Variants in CC2D2B observed in about 807,000 individuals in gnomAD.
The protein encoded by CC2D2B is coiled-coil and C2 domain containing 2B, also known as protein CC2D2B.
CC2D2B carries 128 observed loss-of-function variants against 161.2 expected under a neutral mutation model. The ratio of observed to expected loss-of-function variants is 0.79; its 90% CI spans 0.69 to 0.92. The LOEUF (loss-of-function observed/expected upper bound fraction) is 0.92. Ranked by LOEUF, CC2D2B falls within the 40% of genes least tolerant of loss-of-function variation. CC2D2B has a pLI of 0.00. For synonymous variants in CC2D2B, 391 were observed against 449.8 expected, an observed-to-expected ratio of 0.87 and a Z score of 1.65; for missense variants, 1,173 against 1,375.1, an observed-to-expected ratio of 0.85 and a Z score of 2.32.
chr10:95,991,157 GGAAATAAACTAGCTT>G (rs1468718504), intron 20 of CC2D2B, among the ~76,000 whole-genome samples, 198 bp from the exon 21 acceptor site: 2 of 152,082 alleles, frequency 1.3e-5, no homozygotes, highest in East Asian at 3.9e-4. Flanking sequence ...AAAAAAAAGT[GGAAATAAACTAGCTT>G]TGGTGTGACA....
intron 20 of CC2D2B, among the ~76,000 whole-genome samples, chr10:95,991,017 T>C (rs1356775460): frequency 6.6e-6 from 1 of 152,228 alleles, no homozygotes; most frequent in Non-Finnish European, 1.5e-5. Flanking sequence ...TAGTGGCTAT[T>C]GTAGAAGTGG....
In CC2D2B at chr10:95,938,039, T is replaced by G. The variant is rs1233587258; in HGVS notation, c.385T>G (p.Leu129Val). The change falls in exon 7 of 35, where the codon TTA becomes GTA. Residue 129 changes from leucine (L) to valine (V), a missense_variant. Physicochemically the swap from Leu to Val is conservative, Grantham distance 32. Transcript: ENST00000646931. ...YPKCFSLGVN[L>V]QNVAESEEEE... ...CAAATGCTTTTCACTTGGTGTTAAT[T>G]TACAAAATGTTGCTGAGAGTGAAGA... 1 of 1,551,208 alleles carries G rather than the reference T, an allele frequency of 6.4e-7. No individual in the cohort carries two copies. The highest frequency in any genetic ancestry group is 2.0e-5 in the Admixed American group (1 of 51,006).
At chr10:95,926,156 C>T (rs1004035928) in intron 5 of CC2D2B, among the ~76,000 whole-genome samples, 1 of 152,096 alleles carries the variant, frequency 6.6e-6, no homozygotes, top group Admixed American at 6.6e-5. Flanking sequence ...TGAATTAAAA[C>T]ATGCCTAAAT....
Position 96,032,556 on chromosome 10 carries a change from T to G in CC2D2B, c.*548T>G, listed in dbSNP as rs2080099268. On this transcript the variant is annotated 3_prime_UTR_variant, in exon 35 of 35. Coordinates refer to ENST00000646931, the MANE Select transcript of CC2D2B (RefSeq NM_001349008.3). The stretch of plus-strand genomic sequence containing the variant: ...ACTACTAAACTAAGGCTGGTACGTT[T>G]GATGCTGGGTCTGATACAATTTCAG... 9 of 303,526 alleles carry G rather than the reference T, an allele frequency of 3.0e-5. No individual in the cohort carries two copies. Among genetic ancestry groups the G allele is most frequent in the South Asian group, 2.5e-4 (8 of 32,158 alleles). 18.8% of individuals were successfully genotyped at this position (303,526 alleles called of 1,614,324 possible). A position where few individuals can be genotyped will look rare whatever the true frequency, so the allele number is the denominator to read the frequency against.
At chr10:95,965,316 A>C (rs2076900560) in intron 12 of CC2D2B, among the ~76,000 whole-genome samples, 1 of 152,144 alleles carries the variant, frequency 6.6e-6, no homozygotes. Flanking sequence ...CAATACGTGT[A>C]AAGTACTTAC....
chr10:96,032,204 C>T lies in CC2D2B; in HGVS notation c.*196C>T, dbSNP rs2080091338. On this transcript the variant is annotated 3_prime_UTR_variant, in exon 35 of 35. Transcript: ENST00000646931. ...GTCTTTGAGGAGGAGTCTAGATGAG[C>T]TTCTCACCAGAGACCTCTCCAGGAA... is the stretch of plus-strand genomic sequence containing the variant. 1.9e-6 allele frequency: 1 copy of T among 532,890 alleles called. No homozygotes were observed. Among genetic ancestry groups the T allele is most frequent in the African/African-American group, 1.9e-5 (1 of 52,990 alleles). 33.0% of individuals were successfully genotyped at this position (532,890 alleles called of 1,614,324 possible).
At chr10:95,970,894 G>T (rs1341924040) in intron 15 of CC2D2B, among the ~76,000 whole-genome samples, 1 of 152,150 alleles carries the variant, frequency 6.6e-6, no homozygotes, top group Non-Finnish European at 1.5e-5. Flanking sequence ...AGTAAAACCA[G>T]ATAACTAGAA....
chr10:95,966,449 A>G (rs1024208161), intron 14 of CC2D2B, 147 bp downstream of exon 14: 9 of 350,636 alleles, frequency 2.6e-5, no homozygotes, highest in Middle Eastern at 7.6e-4. Flanking sequence ...AATTGTCACC[A>G]TAACTCTATA....
chr10:95,944,245 T>C (rs867782299), intron 9 of CC2D2B, among the ~76,000 whole-genome samples: 16 of 152,326 alleles, frequency 1.1e-4, no homozygotes, highest in African/African-American at 3.4e-4. Flanking sequence ...GTGCTTATCA[T>C]ACCATGAGAG....
At chr10:95,926,674 A>G (rs1175611288) in intron 5 of CC2D2B, among the ~76,000 whole-genome samples, 1 of 152,076 alleles carries the variant, frequency 6.6e-6, no homozygotes, top group Non-Finnish European at 1.5e-5. Flanking sequence ...TGTGTGAGAA[A>G]GAAGTGATTT....
At chr10:95,973,611 C>G (rs1325239387) in intron 16 of CC2D2B, among the ~76,000 whole-genome samples, 1 of 152,106 alleles carries the variant, frequency 6.6e-6, no homozygotes, top group African/African-American at 2.4e-5. Flanking sequence ...GTAATCCTAG[C>G]ACTTTGGGAG....
intron 19 of CC2D2B, among the ~76,000 whole-genome samples, chr10:95,987,490 C>A (rs1193908173): frequency 6.6e-6 from 1 of 152,050 alleles, no homozygotes; most frequent in Non-Finnish European, 1.5e-5. Context: ...GCTGAAGATT[C>A]TAAAGTATTT....
intron 24 of CC2D2B, among the ~76,000 whole-genome samples, chr10:95,998,420 C>T (rs950324461): frequency 6.6e-6 from 1 of 152,154 alleles, no homozygotes; most frequent in African/African-American, 2.4e-5. Context: ...TCTGTCTATT[C>T]ATCCCTCCCT....
intron 5 of CC2D2B, among the ~76,000 whole-genome samples, chr10:95,926,010 GT>G (rs1002091201): frequency 1.1e-3 from 164 of 148,230 alleles, no homozygotes; most frequent in Non-Finnish European, 3.0e-4. Flanking sequence ...AAAATGCAAG[GT>G]TTTTTTTTTT....
At chr10:95,991,643 T>C (rs2077960764) in intron 21 of CC2D2B, among the ~76,000 whole-genome samples, 182 bp downstream of exon 21, 1 of 152,240 alleles carries the variant, frequency 6.6e-6, no homozygotes, top group Non-Finnish European at 1.5e-5. Context: ...TTGGGATCTC[T>C]ACATGATATA....
intron 5 of CC2D2B, 98 bp from the exon 6 acceptor site, chr10:95,927,139 G>A: frequency 1.6e-6 from 1 of 635,278 alleles, no homozygotes; most frequent in South Asian, 2.4e-5. Context: ...GTTTGCTAGA[G>A]AGATAACAAT....
At chr10:95,934,438 A>G (rs1444606181) in intron 6 of CC2D2B, among the ~76,000 whole-genome samples, 6 of 112,790 alleles carry the variant, frequency 5.3e-5, no homozygotes, top group African/African-American at 2.0e-4. Context: ...CTGGGGTATG[A>G]AAAAAAAAAA....
intron 11 of CC2D2B, among the ~76,000 whole-genome samples, chr10:95,958,473 CAGAGTG>C (rs928394941): frequency 7.2e-5 from 11 of 151,966 alleles, no homozygotes; most frequent in African/African-American, 2.7e-4. Flanking sequence ...GCCTGGGTGA[CAGAGTG>C]AGACTCTGTC....
At chr10:96,025,004 G>T (rs1306217442) in intron 33 of CC2D2B, 93 bp downstream of exon 33, 12 of 688,186 alleles carry the variant, frequency 1.7e-5, no homozygotes, top group Non-Finnish European at 2.4e-6. Context: ...ACAGAAACAT[G>T]AAAAAGGAGT....
Sources: allele counts gnomAD v4.1 joint callset (sites outside exome capture counted in the v4.1 genomes callset), GRCh38; gene constraint gnomAD v4.1.1; transcripts MANE v1.5; gene names NCBI Gene and HGNC (gene_info 2026-07-23, HGNC 2026-07-21).